Variants in RORA observed in about 807,000 individuals in gnomAD.
RORA encodes RAR related orphan receptor A.
RORA carries 7 observed loss-of-function variants against 69.5 expected under a neutral mutation model. The ratio of observed to expected loss-of-function variants is 0.10; its 90% CI spans 0.06 to 0.19. RORA has a LOEUF of 0.19. Among genes scored for constraint, RORA ranks in the 10% least tolerant of loss-of-function variants. The pLI is 1.00. For missense variants in RORA, 457 were observed against 663.0 expected (o/e 0.69, Z 3.41); for synonymous variants, 261 against 240.8 (o/e 1.08, Z -0.78).
chr15:60,886,441 A>G (rs2073751201), intron 1 of RORA, among the ~76,000 whole-genome samples: 1 of 152,144 alleles, frequency 6.6e-6, no homozygotes, highest in Non-Finnish European at 1.5e-5. Context: ...CCTACAACCA[A>G]GTGCAGAAAT....
chr15:61,036,855 A>G (rs1444998731), intron 1 of RORA, among the ~76,000 whole-genome samples: 1 of 151,866 alleles, frequency 6.6e-6, no homozygotes, highest in East Asian at 1.9e-4. Context: ...GCAGCATCAA[A>G]GCTTGAGGTA....
At chr15:60,842,840 T>C (rs1015600793) in intron 1 of RORA, among the ~76,000 whole-genome samples, 3 of 152,048 alleles carry the variant, frequency 2.0e-5, no homozygotes, top group African/African-American at 7.3e-5. Flanking sequence ...ATCGGGTGGA[T>C]AAAGAAGACA....
At chr15:61,014,345 G>A (rs140655067) in intron 1 of RORA, among the ~76,000 whole-genome samples, 63 of 152,354 alleles carry the variant, frequency 4.1e-4, no homozygotes, top group African/African-American at 1.4e-3. Flanking sequence ...AGACAAGGCT[G>A]CGGATGTGGC....
rs1045294366 is a variant in RORA at position 60,875,001 on chromosome 15, T to C, written c.167-196315A>G. ...CTCACAACAAAATTCTAGCTATTCATCAGAACAACAACATCATCAATAACA... is the reference window on the plus strand; with the variant it reads ...CTCACAACAAAATTCTAGCTATTCACCAGAACAACAACATCATCAATAACA... On this transcript the variant is annotated intron_variant, in intron 1 of 10. Transcript: ENST00000335670. Among the ~76,000 whole-genome samples, 4 of 152,238 alleles carry C rather than the reference T, an allele frequency of 2.6e-5. No homozygotes were observed. The East Asian group carries it at 7.7e-4, about 29-fold the overall frequency.
chr15:60,576,156 G>C (rs191520028), intron 2 of RORA, among the ~76,000 whole-genome samples: 1 of 152,334 alleles, frequency 6.6e-6, no homozygotes, highest in East Asian at 1.9e-4. Flanking sequence ...CATGGGCAGC[G>C]TGGCTGTGGG....
chr15:60,903,572 T>C (rs1891449669), intron 1 of RORA, among the ~76,000 whole-genome samples: 1 of 152,244 alleles, frequency 6.6e-6, no homozygotes, highest in Admixed American at 6.5e-5. Context: ...TGCTTTATTT[T>C]GAAATTCAGC....
At chr15:61,033,501 C>A (rs1294902895) in intron 1 of RORA, among the ~76,000 whole-genome samples, 1 of 152,090 alleles carries the variant, frequency 6.6e-6, no homozygotes, top group East Asian at 1.9e-4. Context: ...CCATCACCAA[C>A]CAAGTGAGAG....
rs1222507336 is a variant in RORA at position 61,169,737 on chromosome 15, C to T, written c.166+59316G>A. Among the ~76,000 whole-genome samples, 5 of 150,978 alleles carry T rather than the reference C, an allele frequency of 3.3e-5. No individual in the cohort carries two copies. The East Asian group carries it at 9.8e-4, about 30-fold the overall frequency. On this transcript the variant is annotated intron_variant, in intron 1 of 10. Coordinates refer to ENST00000335670, the MANE Select transcript of RORA (RefSeq NM_134261.3). ...CTGAAGCCACTTCCTGTTTTTCCTT[C>T]AAACCCCCCAGCAACTGTCTTCCTT...
chr15:60,648,705 G>A (rs779063040), intron 2 of RORA, among the ~76,000 whole-genome samples: 1 of 152,150 alleles, frequency 6.6e-6, no homozygotes, highest in African/African-American at 2.4e-5. Context: ...CCTCACGGAG[G>A]GGGTCTCAGT....
At chr15:61,117,441 C>T (rs1053333019) in intron 1 of RORA, among the ~76,000 whole-genome samples, 8 of 152,180 alleles carry the variant, frequency 5.3e-5, no homozygotes, top group Non-Finnish European at 8.8e-5. Flanking sequence ...AATTGCTGAA[C>T]TTGTACATTA....
chr15:60,656,194 C>T (rs151126635), intron 2 of RORA, among the ~76,000 whole-genome samples: 125 of 152,274 alleles, frequency 8.2e-4, no homozygotes, highest in Non-Finnish European at 1.5e-3. Context: ...CCTGCTTCCT[C>T]ACTTCGCAGA....
At chr15:61,117,007 G>A (rs1332889854) in intron 1 of RORA, among the ~76,000 whole-genome samples, 1 of 151,990 alleles carries the variant, frequency 6.6e-6, no homozygotes, top group Non-Finnish European at 1.5e-5. Context: ...CTGGTGTGCT[G>A]TCAAAATACA....
At chr15:60,692,591 T>TA (rs1413917359) in intron 1 of RORA, among the ~76,000 whole-genome samples, 4 of 152,234 alleles carry the variant, frequency 2.6e-5, no homozygotes, top group African/African-American at 9.6e-5. Context: ...TGTCTGGGAT[T>TA]TGCTTTAAAA....
At chr15:61,043,879 T>G (rs1165751777) in intron 1 of RORA, among the ~76,000 whole-genome samples, 2 of 152,168 alleles carry the variant, frequency 1.3e-5, no homozygotes, top group Non-Finnish European at 2.9e-5. Flanking sequence ...AGCCTGCTCT[T>G]GTGTCCAGAT....
intron 2 of RORA, among the ~76,000 whole-genome samples, chr15:60,645,797 G>GT (rs11332010): frequency 8.0e-4 from 112 of 139,708 alleles, no homozygotes; most frequent in Non-Finnish European, 1.1e-3. Flanking sequence ...GTGAAATAGG[G>GT]TTTTTTTTTT....
At chr15:60,657,280 T>C (rs531533089) in intron 2 of RORA, among the ~76,000 whole-genome samples, 8 of 152,228 alleles carry the variant, frequency 5.3e-5, no homozygotes, top group African/African-American at 1.9e-4. Flanking sequence ...CCTCTTATTT[T>C]GGATATTGCA....
chr15:60,892,222 G>T (rs186689311), intron 1 of RORA, among the ~76,000 whole-genome samples: 1 of 152,282 alleles, frequency 6.6e-6, no homozygotes, highest in Admixed American at 6.5e-5. Context: ...CTTGCCCAGT[G>T]TTACAAGGCT....
At chr15:60,786,107 C>A (rs2072330603) in intron 1 of RORA, among the ~76,000 whole-genome samples, 1 of 152,212 alleles carries the variant, frequency 6.6e-6, no homozygotes, top group African/African-American at 2.4e-5. Context: ...TGGTTCCAGG[C>A]CTCTGGGGGC....
chr15:60,832,935 C>T (rs1256237955), intron 1 of RORA, among the ~76,000 whole-genome samples: 3 of 151,978 alleles, frequency 2.0e-5, no homozygotes, highest in East Asian at 1.9e-4. Context: ...GACGGAGTCT[C>T]ACTGTGTCGC....
Sources: gnomAD v4.1 joint callset for allele counts (sites outside exome capture counted in the v4.1 genomes callset) on GRCh38, gnomAD v4.1.1 for gene constraint, MANE v1.5 for transcripts, NCBI Gene and HGNC (gene_info 2026-07-23, HGNC 2026-07-21) for gene names.